Variants in PIK3CG observed in about 807,000 individuals in gnomAD.
PIK3CG encodes the protein phosphatidylinositol 4,5-bisphosphate 3-kinase catalytic subunit gamma isoform.
Under a neutral mutation model 102.3 loss-of-function variants are expected in PIK3CG, and 55 were observed. The ratio of observed to expected loss-of-function variants is 0.54; its 90% CI spans 0.43 to 0.67. The LOEUF (loss-of-function observed/expected upper bound fraction) is 0.67. PIK3CG is among the 30% of genes least tolerant of loss of function. The pLI, the probability that PIK3CG is intolerant of heterozygous loss-of-function variation, is 0.00. For missense variants in PIK3CG, 1,258 were observed against 1,391.8 expected (o/e 0.90, Z 1.53); for synonymous variants, 552 against 540.0 (o/e 1.02, Z -0.31).
chr7:106,894,424 A>C lies in PIK3CG; in HGVS notation c.3030+8132A>C, dbSNP rs1434901680. ...AGAGCTAGTCTGAGAATCACTTTTC[A>C]AGTACTTACAGATAAAAATCCTAAT... is the stretch of plus-strand genomic sequence containing the variant. On this transcript the variant is annotated intron_variant, in intron 10 of 10. Coordinates refer to ENST00000496166, the MANE Select transcript of PIK3CG (RefSeq NM_001282426.2). The surrounding 1 kb of genome is among the most constrained non-coding windows in gnomAD (Gnocchi z 4.4). Among the ~76,000 whole-genome samples, 1 of 152,210 alleles carries C rather than the reference A, an allele frequency of 6.6e-6. No homozygotes were observed. The highest frequency in any genetic ancestry group is 1.5e-5 in the Non-Finnish European group (1 of 68,036).
In PIK3CG at chr7:106,897,227, C is replaced by G. The variant is rs77542476; in HGVS notation, c.3031-7882C>G. On this transcript the variant is annotated intron_variant, in intron 10 of 10. Coordinates refer to ENST00000496166, the MANE Select transcript of PIK3CG (RefSeq NM_001282426.2). This position sits in a 1 kb window ranked among gnomAD's most constrained non-coding sequence, Gnocchi z 4.6. ...GCTTTCAAGTTTCCACAATTTTAAA[C>G]CATGTTCTAATGAACATCCTTATAG... is the stretch of plus-strand genomic sequence containing the variant. Among the ~76,000 whole-genome samples the G allele has an allele frequency of 0.027, 4,079 of 152,178 alleles. 171 individuals are homozygous for G. Among genetic ancestry groups the G allele is most frequent in the African/African-American group, 0.093 (3,859 of 41,508 alleles).
chr7:106,873,727 G>A (rs1790621983), intron 4 of PIK3CG, among the ~76,000 whole-genome samples: 1 of 151,718 alleles, frequency 6.6e-6, no homozygotes, highest in Non-Finnish European at 1.5e-5. Flanking sequence ...CTGTGTGTGT[G>A]TGTGTGTGCA....
Position 106,869,930 on chromosome 7 carries a change from T to A in PIK3CG, c.1995+374T>A, listed in dbSNP as rs1274043912. Among the ~76,000 whole-genome samples, 1 of 152,166 alleles carries A rather than the reference T, an allele frequency of 6.6e-6. No individual in the cohort carries two copies. Among genetic ancestry groups the A allele is most frequent in the Non-Finnish European group, 1.5e-5 (1 of 68,032 alleles). Reference sequence around the variant, plus strand: ...TATCTCATTTAACTCTTCCAATAACTATGATGGAGGTCAAATTGACATTTG... The same window carrying A: ...TATCTCATTTAACTCTTCCAATAACAATGATGGAGGTCAAATTGACATTTG... On this transcript the variant is annotated intron_variant, in intron 2 of 10. Transcript: ENST00000496166. The surrounding 1 kb of genome is among the most constrained non-coding windows in gnomAD (Gnocchi z 5.3).
rs887076133 is a variant in PIK3CG, at chr7:106,902,270, T to G, written c.3031-2839T>G. Among the ~76,000 whole-genome samples, 1 of 151,622 alleles carries G rather than the reference T, an allele frequency of 6.6e-6. No homozygotes were observed. Among genetic ancestry groups the G allele is most frequent in the Non-Finnish European group, 1.5e-5 (1 of 67,924 alleles). On this transcript the variant is annotated intron_variant, in intron 10 of 10. Coordinates refer to ENST00000496166, the MANE Select transcript of PIK3CG (RefSeq NM_001282426.2). This position sits in a 1 kb window ranked among gnomAD's most constrained non-coding sequence, Gnocchi z 4.3. ...GTCTTGTGTCAAGCAATGCGGGGGG[T>G]GTGTGGGATGCACGGGAGACACACT... is the stretch of plus-strand genomic sequence containing the variant.
In PIK3CG at chr7:106,893,043, G is replaced by C. The variant is rs536855641; in HGVS notation, c.3030+6751G>C. Among the ~76,000 whole-genome samples the C allele has an allele frequency of 6.6e-6, 1 of 152,278 alleles. No homozygotes were observed. Among genetic ancestry groups the C allele is most frequent in the East Asian group, 1.9e-4 (1 of 5,188 alleles). On this transcript the variant is annotated intron_variant, in intron 10 of 10. Coordinates refer to ENST00000496166, the MANE Select transcript of PIK3CG (RefSeq NM_001282426.2). This position sits in a 1 kb window ranked among gnomAD's most constrained non-coding sequence, Gnocchi z 4.4. ...GTACATAGGCTGGATTAGAGAGGTG[G>C]AGGGTAGAGCAAAGCAAAGAAGTCA... is the stretch of plus-strand genomic sequence containing the variant.
chr7:106,884,079 T>C lies in PIK3CG; in HGVS notation c.2761-76T>C. 1 of 1,127,928 alleles carries C rather than the reference T, an allele frequency of 8.9e-7. No individual in the cohort carries two copies. The allele number at this position is 1,127,928 out of a possible 1,614,324, so 69.9% of individuals were successfully genotyped here. On this transcript the variant is annotated intron_variant, in intron 8 of 10. Coordinates refer to ENST00000496166, the MANE Select transcript of PIK3CG (RefSeq NM_001282426.2). The surrounding 1 kb of genome is among the most constrained non-coding windows in gnomAD (Gnocchi z 4.2). ...GAAAATGGTTTCCAGAATATTCTCT[T>C]TTTAGAAGTCATTTGTAGATTCATG...
chr7:106,895,546 G>A lies in PIK3CG; in HGVS notation c.3030+9254G>A, dbSNP rs1791385772. 1.3e-5 allele frequency among the ~76,000 whole-genome samples: 2 copies of A among 152,206 alleles called. No individual in the cohort carries two copies. Among genetic ancestry groups the A allele is most frequent in the African/African-American group, 2.4e-5 (1 of 41,462 alleles). On this transcript the variant is annotated intron_variant, in intron 10 of 10. Transcript: ENST00000496166. This position sits in a 1 kb window ranked among gnomAD's most constrained non-coding sequence, Gnocchi z 5.4. ...ATGCTTCCATCCTGCCCACCTCAGT[G>A]GGCCAGCACCATGACAGCCTCCCTT...
chr7:106,881,370 T>C (rs1054836684), intron 6 of PIK3CG, among the ~76,000 whole-genome samples: 1 of 152,206 alleles, frequency 6.6e-6, no homozygotes, highest in Non-Finnish European at 1.5e-5. Flanking sequence ...AATGCAAGGA[T>C]CACACATAAA....
Position 106,879,126 on chromosome 7 carries a change from CATT to C in PIK3CG, c.2392-391_2392-389del, listed in dbSNP as rs1247961377. On this transcript the variant is annotated intron_variant, in intron 5 of 10. Coordinates refer to ENST00000496166, the MANE Select transcript of PIK3CG (RefSeq NM_001282426.2). This position sits in a 1 kb window ranked among gnomAD's most constrained non-coding sequence, Gnocchi z 4.9. ...AATAGTTTTTTTGACATTGTGGTAGCATTAGAATTCTTTTTTCAAATTAAATCT... is the reference window on the plus strand; with the variant it reads ...AATAGTTTTTTTGACATTGTGGTAGCAGAATTCTTTTTTCAAATTAAATCT... Among the ~76,000 whole-genome samples the C allele has an allele frequency of 6.6e-6, 1 of 152,242 alleles. No homozygotes were observed. Among genetic ancestry groups the C allele is most frequent in the African/African-American group, 2.4e-5 (1 of 41,528 alleles).
chr7:106,882,214 A>G lies in PIK3CG; in HGVS notation c.2629+7A>G, dbSNP rs2116538801. ...TCAACTGGTGACAAAATAGGTATGT[A>G]GTTACCTCAGGAGATGAATAGACCT... On this transcript the variant is annotated splice_region_variant and intron_variant, in intron 7 of 10. Coordinates refer to ENST00000496166, the MANE Select transcript of PIK3CG (RefSeq NM_001282426.2). 6.8e-7 allele frequency: 1 copy of G among 1,473,858 alleles called. No homozygotes were observed. The highest frequency in any genetic ancestry group is 1.9e-5 in the Admixed American group (1 of 53,206). 91.3% of individuals were successfully genotyped at this position (1,473,858 alleles called of 1,614,324 possible). A position where few individuals can be genotyped will look rare whatever the true frequency, so the allele number is the denominator to read the frequency against.
Position 106,867,972 on chromosome 7 carries a change from G to A in PIK3CG, c.411G>A (p.Leu137=), listed in dbSNP as rs1790365234. The A allele has an allele frequency of 6.2e-7, 1 of 1,612,338 alleles. No individual in the cohort carries two copies. Among genetic ancestry groups the A allele is most frequent in the Non-Finnish European group, 8.5e-7 (1 of 1,179,296 alleles). The change falls in exon 2 of 11, where the codon CTG becomes CTA. Residue 137 remains leucine, a synonymous_variant. Coordinates refer to ENST00000496166, the MANE Select transcript of PIK3CG (RefSeq NM_001282426.2). This position sits in a 1 kb window ranked among gnomAD's most constrained non-coding sequence, Gnocchi z 5.1. ...ATHRSPGQIH[L]VQRHPPSEES... ...ACCGGAGCCCGGGCCAGATCCACCT[G>A]GTGCAGCGGCACCCGCCCTCCGAGG...
chr7:106,871,849 T>G lies in PIK3CG; in HGVS notation c.1996-688T>G, dbSNP rs530442349. Among the ~76,000 whole-genome samples the G allele has an allele frequency of 2.8e-4, 43 of 152,338 alleles. 1 individual carries two copies. In the South Asian group the frequency reaches 8.9e-3, roughly 32 times the overall value. On this transcript the variant is annotated intron_variant, in intron 2 of 10. Transcript: ENST00000496166. ...ATTCTCTAACATCAGCCAAGTGATATGAAAATTACTAAACACTAAAAATGA... is the reference window on the plus strand; with the variant it reads ...ATTCTCTAACATCAGCCAAGTGATAGGAAAATTACTAAACACTAAAAATGA...
At chr7:106,882,264 A>T (rs1790964433) in intron 7 of PIK3CG, 57 bp downstream of exon 7, 1 of 793,604 alleles carries the variant, frequency 1.3e-6, no homozygotes, top group Non-Finnish European at 2.0e-6. Context: ...AAAGATTATA[A>T]TTCCTTCAGT....
At chr7:106,900,073 T>G (rs1791503932) in intron 10 of PIK3CG, among the ~76,000 whole-genome samples, 1 of 152,110 alleles carries the variant, frequency 6.6e-6, no homozygotes, top group South Asian at 2.1e-4. Flanking sequence ...TCTTCCTGGC[T>G]CAGTCTTGGG....
At chr7:106,896,376 A>G (rs768926685) in intron 10 of PIK3CG, among the ~76,000 whole-genome samples, 9 of 152,194 alleles carry the variant, frequency 5.9e-5, no homozygotes, top group Non-Finnish European at 1.3e-4. Context: ...GTATGGAAGG[A>G]CAGAAAATAA....
In PIK3CG at chr7:106,886,198, A is replaced by G. The variant is rs370208108; in HGVS notation, c.2936A>G (p.Asn979Ser). The change falls in exon 10 of 11, where the codon AAT becomes AGT. Residue 979 changes from asparagine to serine, a missense_variant. Transcript: ENST00000496166. ...LGNYKSFLGI[N>S]KERVPFVLTP... ...AATTACAAAAGTTTCCTGGGCATTAATAAAGAGAGAGTGCCATTTGTGCTA... is the reference window on the plus strand; with the variant it reads ...AATTACAAAAGTTTCCTGGGCATTAGTAAAGAGAGAGTGCCATTTGTGCTA... The G allele has an allele frequency of 2.7e-5, 43 of 1,614,000 alleles. No individual in the cohort carries two copies. The African/African-American group carries it at 5.6e-4, about 21-fold the overall frequency.
chr7:106,879,771 G>A lies in PIK3CG; in HGVS notation c.2538+106G>A. 7 of 808,388 alleles carry A rather than the reference G, an allele frequency of 8.7e-6. No homozygotes were observed. The highest frequency in any genetic ancestry group is 3.9e-6 in the Non-Finnish European group (2 of 510,644). 50.1% of individuals were successfully genotyped at this position (808,388 alleles called of 1,614,324 possible). Reference sequence around the variant, plus strand: ...CTATTCCCACTCTCTTCTTTCAAGTGATGAATTGTGATCAAATATTACATC... The same window carrying A: ...CTATTCCCACTCTCTTCTTTCAAGTAATGAATTGTGATCAAATATTACATC... On this transcript the variant is annotated intron_variant, in intron 6 of 10. Coordinates refer to ENST00000496166, the MANE Select transcript of PIK3CG (RefSeq NM_001282426.2). This position sits in a 1 kb window ranked among gnomAD's most constrained non-coding sequence, Gnocchi z 4.9.
intron 1 of PIK3CG, among the ~76,000 whole-genome samples, chr7:106,866,305 A>G (rs1790281930): frequency 6.6e-6 from 1 of 152,262 alleles, no homozygotes; most frequent in African/African-American, 2.4e-5. Flanking sequence ...GATACTAAAC[A>G]TTGAAAGCAA....
In PIK3CG at chr7:106,872,617, T is replaced by G. The variant is rs1417202622; in HGVS notation, c.2061+15T>G. On this transcript the variant is annotated intron_variant, in intron 3 of 10. Coordinates refer to ENST00000496166, the MANE Select transcript of PIK3CG (RefSeq NM_001282426.2). This position sits in a 1 kb window ranked among gnomAD's most constrained non-coding sequence, Gnocchi z 5.3. ...GTGGTTTAAGAGTAAGTACTTCCAT[T>G]TTGATAATAGCGTGAAATTTTAAGT... The G allele has an allele frequency of 6.2e-7, 1 of 1,611,378 alleles. No homozygotes were observed. The highest frequency in any genetic ancestry group is 1.1e-5 in the South Asian group (1 of 91,024).
Sources: gnomAD v4.1 joint callset for allele counts (sites outside exome capture counted in the v4.1 genomes callset) on GRCh38, gnomAD v4.1.1 for gene constraint, Gnocchi (gnomAD v3.1) non-coding constraint, MANE v1.5 for transcripts, NCBI Gene and HGNC (gene_info 2026-07-23, HGNC 2026-07-21) for gene names.